CACNA1H: variants seen among roughly 807,000 people sequenced by gnomAD.
CACNA1H encodes the protein calcium voltage-gated channel subunit alpha1 H.
In CACNA1H, 149 loss-of-function variants were observed where a neutral mutation model predicts 192.5. The observed-to-expected ratio is 0.77, with a 90% CI of 0.68 to 0.89. The LOEUF (loss-of-function observed/expected upper bound fraction) is 0.89, where lower values mean the gene tolerates loss of function less well. Among genes scored for constraint, CACNA1H ranks in the 40% least tolerant of loss-of-function variants. The pLI is 0.00. For synonymous variants in CACNA1H, 2,202 were observed against 1,475.2 expected (o/e 1.49, Z -11.29); for missense variants, 4,257 against 3,423.5 (o/e 1.24, Z -6.08).
rs746078492 is a variant in CACNA1H, at chr16:1,195,035, G to A, written c.363G>A (p.Arg121=). 30 of 1,611,672 alleles carry A rather than the reference G, an allele frequency of 1.9e-5. No homozygotes were observed. Among genetic ancestry groups the A allele is most frequent in the Non-Finnish European group, 2.4e-5 (28 of 1,179,086 alleles). The change falls in exon 3 of 35, where the codon CGG becomes CGA. Residue 121 remains arginine (R), a synonymous_variant. Transcript: ENST00000348261. ...ACTGCGTGACCCTGGGCATGTTCCGGCCCTGTGAGGACGTTGAGTGCGGCT... is the reference window on the plus strand; with the variant it reads ...ACTGCGTGACCCTGGGCATGTTCCGACCCTGTGAGGACGTTGAGTGCGGCT... The part of the protein sequence containing the change: ...MLNCVTLGMF[R]PCEDVECGSE...
rs369475886 is a variant in CACNA1H, at chr16:1,209,135, G to A, written c.3467G>A (p.Arg1156His). The change falls in exon 17 of 35, where the codon CGC becomes CAC. Residue 1156 changes from arginine to histidine, a missense_variant. Arg to His is a conservative substitution (Grantham distance 29). Transcript: ENST00000348261. ...CTGGGCCGTGCCCCCAGCCTCAAGC[G>A]CCGCGGCCAGTGTGGGGAACGTGAG... The part of the protein sequence containing the change: ...SSLGRAPSLK[R>H]RGQCGERESL... 18 of 1,553,164 alleles carry A rather than the reference G, an allele frequency of 1.2e-5. No individual in the cohort carries two copies. Among genetic ancestry groups the A allele is most frequent in the African/African-American group, 4.1e-5 (3 of 73,132 alleles).
In CACNA1H at chr16:1,215,212, G is replaced by A. The variant is rs372631654; in HGVS notation, c.5040-30G>A. 23 of 1,591,200 alleles carry A rather than the reference G, an allele frequency of 1.4e-5. 1 individual carries two copies. Among genetic ancestry groups the A allele is most frequent in the Middle Eastern group, 1.7e-4 (1 of 5,902 alleles). On this transcript the variant is annotated intron_variant, in intron 28 of 34. Coordinates refer to ENST00000348261, the MANE Select transcript of CACNA1H (RefSeq NM_021098.3). Reference sequence around the variant, plus strand: ...CTGCTGAGCCGAGGCGGGGACCCCAGACGTGTGCGCTGAGCCTCCGGCCAC... The same window carrying A: ...CTGCTGAGCCGAGGCGGGGACCCCAAACGTGTGCGCTGAGCCTCCGGCCAC...
intron 2 of CACNA1H, among the ~76,000 whole-genome samples, chr16:1,176,928 C>T (rs115712237): frequency 1.6e-3 from 251 of 152,230 alleles, no homozygotes; most frequent in African/African-American, 5.8e-3. Flanking sequence ...GAGGATGTTC[C>T]GTGGACAGGG....
At chr16:1,175,617 C>T (rs1964804033) in intron 2 of CACNA1H, among the ~76,000 whole-genome samples, 1 of 152,234 alleles carries the variant, frequency 6.6e-6, no homozygotes. Context: ...TGGCCCCGTC[C>T]ATTTACTCTC....
At position 1,214,933 on chromosome 16, in the gene CACNA1H, C is replaced by T. The variant is rs374294697; in HGVS notation, c.4930-39C>T. Reference sequence around the variant, plus strand: ...GGGAGCCAGGGGGAAGAGGGGTGGCCCCAGCCCCACCTCAGCCAGCCCGAC... The same window carrying T: ...GGGAGCCAGGGGGAAGAGGGGTGGCTCCAGCCCCACCTCAGCCAGCCCGAC... On this transcript the variant is annotated intron_variant, in intron 27 of 34. Transcript: ENST00000348261. The T allele has an allele frequency of 2.2e-5, 32 of 1,443,342 alleles. No homozygotes were observed. In the African/African-American group the frequency reaches 3.8e-4, roughly 17 times the overall value. 89.4% of individuals were successfully genotyped at this position (1,443,342 alleles called of 1,614,324 possible).
Position 1,213,892 on chromosome 16 carries a change from C to G in CACNA1H, c.4890C>G (p.Asn1630Lys), listed in dbSNP as rs758400171. The change falls in exon 27 of 35, where the codon AAC becomes AAG. Residue 1630 changes from asparagine to lysine, a missense_variant. Coordinates refer to ENST00000348261, the MANE Select transcript of CACNA1H (RefSeq NM_021098.3). ...DLFITFIICV[N>K]VITMSMEHYN... Reference sequence around the variant, plus strand: ...TCATCACCTTCATCATCTGTGTCAACGTCATCACCATGTCCATGGAGCACT... The same window carrying G: ...TCATCACCTTCATCATCTGTGTCAAGGTCATCACCATGTCCATGGAGCACT... 1 of 1,612,026 alleles carries G rather than the reference C, an allele frequency of 6.2e-7. No individual in the cohort carries two copies. Among genetic ancestry groups the G allele is most frequent in the Non-Finnish European group, 8.5e-7 (1 of 1,179,454 alleles).
rs574952387 is a variant in CACNA1H, at chr16:1,218,994, C to T, written c.5912C>T (p.Pro1971Leu). The change falls in exon 34 of 35, where the codon CCG becomes CTG. Residue 1971 changes from proline (P) to leucine (L), a missense_variant. By Grantham distance (98) the Pro-to-Leu change is moderately conservative. Coordinates refer to ENST00000348261, the MANE Select transcript of CACNA1H (RefSeq NM_021098.3). ...GGCTCCGTTGCCTCTGTGCACTCTC[C>T]GCCCGCAGAGTCCTGTGCCTCCCTC... ...PLGSVASVHS[P>L]PAESCASLQI... The T allele has an allele frequency of 9.3e-5, 144 of 1,550,304 alleles. No homozygotes were observed. The highest frequency in any genetic ancestry group is 2.6e-4 in the South Asian group (22 of 84,064).
chr16:1,153,177 C>T lies in CACNA1H; in HGVS notation c.-312C>T. The T allele has an allele frequency of 1.4e-5, 2 of 143,010 alleles. No individual in the cohort carries two copies. The highest frequency in any genetic ancestry group is 1.9e-4 in the South Asian group (1 of 5,356). 8.9% of individuals were successfully genotyped at this position (143,010 alleles called of 1,614,324 possible). On this transcript the variant is annotated 5_prime_UTR_variant, in exon 1 of 35. Transcript: ENST00000348261. ...CGCTGCCTCACCGGTCCCCGGCCCG[C>T]GCCCCGCGCCCCGCGCCCCGCGCCC...
At position 1,201,980 on chromosome 16, in the gene CACNA1H, C is replaced by T. The variant is rs1967984930; in HGVS notation, c.1530C>T (p.His510=). 5 of 1,542,210 alleles carry T rather than the reference C, an allele frequency of 3.2e-6. No individual in the cohort carries two copies. The East Asian group carries it at 9.8e-5, about 30-fold the overall frequency. Residue 510 remains histidine (H), a synonymous_variant, in exon 9 of 35, where the codon CAC becomes CAT. Transcript: ENST00000348261. ...PGHRQRRAGR[H]TASVHHLVYH... ...ACCGCCAGCGCCGGGCAGGCAGGCA[C>T]ACAGCCTCGGTGCACCACCTGGTCT... is the stretch of plus-strand genomic sequence containing the variant.
At position 1,207,427 on chromosome 16, in the gene CACNA1H, G is replaced by A. The variant is rs369924266; in HGVS notation, c.3060G>A (p.Ala1020=). The part of the protein sequence containing the change: ...LVAILVEGFQ[A]EGDANRSDTD... Reference sequence around the variant, plus strand: ...CCATCCTCGTGGAGGGCTTCCAGGCGGAGGTGAGGGGGCAGGGAGAGGGGC... The same window carrying A: ...CCATCCTCGTGGAGGGCTTCCAGGCAGAGGTGAGGGGGCAGGGAGAGGGGC... Residue 1020 remains alanine (A), a synonymous_variant, in exon 14 of 35, where the codon GCG becomes GCA. Coordinates refer to ENST00000348261, the MANE Select transcript of CACNA1H (RefSeq NM_021098.3). 912 of 1,612,848 alleles carry A rather than the reference G, an allele frequency of 5.7e-4. 13 individuals carry two copies. The South Asian group carries it at 8.3e-3, about 15-fold the overall frequency.
chr16:1,168,475 G>A (rs1964026076), intron 2 of CACNA1H, among the ~76,000 whole-genome samples: 2 of 151,984 alleles, frequency 1.3e-5, no homozygotes, highest in Non-Finnish European at 2.9e-5. Context: ...GCTGCTCTGG[G>A]GGACCCTCCA....
At position 1,209,303 on chromosome 16, in the gene CACNA1H, C is replaced by T; in HGVS notation, c.3635C>T (p.Thr1212Ile). The part of the protein sequence containing the change: ...RPLRPAALPP[T>I]KCRDRDGQVV... ...CTGCGGCCGGCCGCCCTCCCGCCTA[C>T]CAAGTGCCGCGATCGCGACGGGCAG... Residue 1212 changes from threonine (T) to isoleucine (I), a missense_variant, in exon 17 of 35, where the codon ACC (threonine) becomes ATC (isoleucine). Thr to Ile is a moderately conservative substitution (Grantham distance 89). Transcript: ENST00000348261. The T allele has an allele frequency of 6.3e-7, 1 of 1,594,914 alleles. No individual in the cohort carries two copies. Among genetic ancestry groups the T allele is most frequent in the Non-Finnish European group, 8.5e-7 (1 of 1,177,574 alleles).
In CACNA1H at chr16:1,206,244, T is replaced by G; in HGVS notation, c.2744T>G (p.Val915Gly). 6.3e-7 allele frequency: 1 copy of G among 1,589,586 alleles called. No individual in the cohort carries two copies. Among genetic ancestry groups the G allele is most frequent in the Non-Finnish European group, 8.6e-7 (1 of 1,169,180 alleles). The change falls in exon 12 of 35, where the codon GTG becomes GGG. Residue 915 changes from valine to glycine, a missense_variant. Val to Gly is a moderately radical substitution (Grantham distance 109, BLOSUM62 -3). Coordinates refer to ENST00000348261, the MANE Select transcript of CACNA1H (RefSeq NM_021098.3). ...GTGCTGGTGAAGACCATGGACAACG[T>G]GGCTACCTTCTGCACGCTGCTCATG... ...LVVLVKTMDN[V>G]ATFCTLLMLF...
At chr16:1,166,721 C>G (rs939260592) in intron 2 of CACNA1H, among the ~76,000 whole-genome samples, 2 of 152,166 alleles carry the variant, frequency 1.3e-5, no homozygotes, top group Non-Finnish European at 2.9e-5. Context: ...CGGCTTCTCT[C>G]GAGCTTTGTG....
Position 1,153,444 on chromosome 16 carries a change from G to C in CACNA1H, c.-45G>C. On this transcript the variant is annotated 5_prime_UTR_variant, in exon 1 of 35. Coordinates refer to ENST00000348261, the MANE Select transcript of CACNA1H (RefSeq NM_021098.3). Reference sequence around the variant, plus strand: ...ACCGCGCCGCCCGGGCGATGCCCGCGGGGACGCCGCCGGCCAGCAGAGCGA... The same window carrying C: ...ACCGCGCCGCCCGGGCGATGCCCGCCGGGACGCCGCCGGCCAGCAGAGCGA... 1 of 160,422 alleles carries C rather than the reference G, an allele frequency of 6.2e-6. No homozygotes were observed. The highest frequency in any genetic ancestry group is 1.8e-4 in the South Asian group (1 of 5,578). The allele number at this position is 160,422 out of a possible 1,614,324, so 9.9% of individuals were successfully genotyped here.
At chr16:1,214,353 T>G (rs1439419523) in intron 27 of CACNA1H, among the ~76,000 whole-genome samples, 2 of 152,224 alleles carry the variant, frequency 1.3e-5, no homozygotes, top group Non-Finnish European at 2.9e-5. Flanking sequence ...AGCCTCTGGG[T>G]AGCAGTAAGC....
In CACNA1H at chr16:1,195,166, G is replaced by A. The variant is rs532984461; in HGVS notation, c.411+83G>A. 1.7e-3 allele frequency: 808 copies of A among 465,468 alleles called. 4 individuals carry two copies. The highest frequency in any genetic ancestry group is 0.013 in the African/African-American group (620 of 47,188). The allele number at this position is 465,468 out of a possible 1,614,324, so 28.8% of individuals were successfully genotyped here. A position where few individuals can be genotyped will look rare whatever the true frequency, so the allele number is the denominator to read the frequency against. On this transcript the variant is annotated intron_variant, in intron 3 of 34. Coordinates refer to ENST00000348261, the MANE Select transcript of CACNA1H (RefSeq NM_021098.3). ...CAAGGCGGAGTGGGGCGGGGGCGGG[G>A]CAAGGTTCAAGGTGGGGCGTGGAGT...
chr16:1,171,825 C>G (rs1241184213), intron 2 of CACNA1H, among the ~76,000 whole-genome samples: 1 of 152,214 alleles, frequency 6.6e-6, no homozygotes, highest in Non-Finnish European at 1.5e-5. Context: ...CGTCTCCGAG[C>G]GCCAGCTGGG....
intron 2 of CACNA1H, among the ~76,000 whole-genome samples, chr16:1,190,639 G>T (rs577628899): frequency 1.1e-4 from 17 of 152,380 alleles, no homozygotes; most frequent in African/African-American, 3.8e-4. Context: ...GTCGTGAGAG[G>T]CCTCCTTGGG....
Sources: allele counts gnomAD v4.1 joint callset (sites outside exome capture counted in the v4.1 genomes callset), GRCh38; gene constraint gnomAD v4.1.1; transcripts MANE v1.5; gene names NCBI Gene and HGNC (gene_info 2026-07-23, HGNC 2026-07-21).